Variants in UBTD2 observed in about 807,000 individuals in gnomAD.
UBTD2 encodes ubiquitin domain-containing protein 2.
Under a neutral mutation model 19.8 loss-of-function variants are expected in UBTD2, and 9 were observed. The ratio of observed to expected loss-of-function variants is 0.46; its 90% CI spans 0.27 to 0.79. UBTD2 has a LOEUF of 0.79. Among genes scored for constraint, UBTD2 ranks in the 30% least tolerant of loss-of-function variants. UBTD2 has a pLI of 0.14. For synonymous variants in UBTD2, 98 were observed against 103.9 expected, an observed-to-expected ratio of 0.94 and a Z score of 0.35; for missense variants, 250 against 300.4, an observed-to-expected ratio of 0.83 and a Z score of 1.24.
At chr5:172,271,835 A>G (rs1231140767) in intron 1 of UBTD2, among the ~76,000 whole-genome samples, 1 of 152,180 alleles carries the variant, frequency 6.6e-6, no homozygotes, top group East Asian at 1.9e-4. Flanking sequence ...ATCTGAACCA[A>G]TGCAAAGAAA....
intron 1 of UBTD2, among the ~76,000 whole-genome samples, chr5:172,265,857 A>G (rs1429504497): frequency 3.9e-5 from 6 of 152,130 alleles, no homozygotes; most frequent in African/African-American, 1.4e-4. Flanking sequence ...AATTTCTAAA[A>G]GCAACTTTTT....
chr5:172,242,335 T>C (rs1772149375), intron 1 of UBTD2: 2 of 966,536 alleles, frequency 2.1e-6, no homozygotes, highest in East Asian at 1.1e-4. Context: ...ATTTATATCA[T>C]CTATTATGAA....
intron 1 of UBTD2, among the ~76,000 whole-genome samples, chr5:172,280,509 CA>C (rs376156166): frequency 1.9e-3 from 182 of 95,010 alleles, no homozygotes; most frequent in African/African-American, 5.9e-3. Flanking sequence ...GACTCCATCT[CA>C]AAAAAAAAAA....
At chr5:172,280,886 G>A (rs979111730) in intron 1 of UBTD2, among the ~76,000 whole-genome samples, 4 of 152,104 alleles carry the variant, frequency 2.6e-5, no homozygotes, top group African/African-American at 7.2e-5. Context: ...AGGTTTTATT[G>A]ATATACACAT....
intron 1 of UBTD2, among the ~76,000 whole-genome samples, chr5:172,255,597 A>G (rs1004562900): frequency 1.5e-4 from 23 of 151,948 alleles, no homozygotes; most frequent in African/African-American, 5.3e-4. Flanking sequence ...CAAGGACGGG[A>G]GCGCATGCAG....
At chr5:172,273,175 T>C (rs1755533774) in intron 1 of UBTD2, among the ~76,000 whole-genome samples, 1 of 152,132 alleles carries the variant, frequency 6.6e-6, no homozygotes, top group African/African-American at 2.4e-5. Context: ...TAAAAATTGC[T>C]ATCATGTCTA....
intron 1 of UBTD2, among the ~76,000 whole-genome samples, chr5:172,279,476 T>G (rs917168684): frequency 1.3e-5 from 2 of 152,188 alleles, no homozygotes; most frequent in African/African-American, 4.8e-5. Flanking sequence ...CTCAAGACAT[T>G]CTGGAATAGA....
intron 1 of UBTD2, among the ~76,000 whole-genome samples, chr5:172,275,098 G>C (rs1043441306): frequency 6.6e-6 from 1 of 152,192 alleles, no homozygotes; most frequent in Non-Finnish European, 1.5e-5. Flanking sequence ...TTGACTCACA[G>C]TTCCGCAGGG....
Position 172,211,797 on chromosome 5 carries a change from G to A in UBTD2, c.*33C>T. ...ACAACAAGAACCATAAAAAGGAGCA[G>A]AGGGATGTGGGAGCTGGCCAACAGG... is the stretch of plus-strand genomic sequence containing the variant. On this transcript the variant is annotated 3_prime_UTR_variant, in exon 3 of 3. Coordinates refer to ENST00000393792, the MANE Select transcript of UBTD2 (RefSeq NM_152277.3). The A allele has an allele frequency of 6.4e-7, 1 of 1,551,988 alleles. No homozygotes were observed. The highest frequency in any genetic ancestry group is 8.7e-7 in the Non-Finnish European group (1 of 1,149,076).
At position 172,234,372 on chromosome 5, in the gene UBTD2, TA is replaced by T; in HGVS notation, c.71-15del. ...GACCTAGAGCAACTGAAAAGAAAAA[TA>T]AAAGACTGAGATCAAACCCAAAATT... On this transcript the variant is annotated splice_polypyrimidine_tract_variant and intron_variant, in intron 1 of 2. Coordinates refer to ENST00000393792, the MANE Select transcript of UBTD2 (RefSeq NM_152277.3). 6.2e-7 allele frequency: 1 copy of T among 1,610,028 alleles called. No homozygotes were observed. Among genetic ancestry groups the T allele is most frequent in the Non-Finnish European group, 8.5e-7 (1 of 1,177,054 alleles).
chr5:172,227,219 G>C (rs1362385051), intron 2 of UBTD2, among the ~76,000 whole-genome samples: 1 of 152,136 alleles, frequency 6.6e-6, no homozygotes, highest in African/African-American at 2.4e-5. Context: ...TTCTGACTCA[G>C]GGACAACCTC....
chr5:172,244,831 C>A (rs1050439071), intron 1 of UBTD2, among the ~76,000 whole-genome samples: 3 of 151,844 alleles, frequency 2.0e-5, no homozygotes, highest in Admixed American at 1.3e-4. Flanking sequence ...CGGGTTCAAG[C>A]GATTCTCATG....
intron 2 of UBTD2, among the ~76,000 whole-genome samples, chr5:172,214,741 AT>A (rs1771511571): frequency 6.6e-6 from 1 of 152,216 alleles, no homozygotes; most frequent in South Asian, 2.1e-4. Flanking sequence ...TTTTTATTTA[AT>A]ATGGAATTTT....
rs547950384 is a variant in UBTD2 at position 172,280,387 on chromosome 5, G to A, written c.70+3209C>T. Reference sequence around the variant, plus strand: ...TAGCTGGGCATGGTGGTGGGCACCCGTAATCCCAGCTACTCTGGAGGCTAA... The same window carrying A: ...TAGCTGGGCATGGTGGTGGGCACCCATAATCCCAGCTACTCTGGAGGCTAA... On this transcript the variant is annotated intron_variant, in intron 1 of 2. Transcript: ENST00000393792. 1.4e-3 allele frequency among the ~76,000 whole-genome samples: 216 copies of A among 151,506 alleles called. 1 individual carries two copies. Among genetic ancestry groups the A allele is most frequent in the African/African-American group, 4.8e-3 (199 of 41,322 alleles).
intron 1 of UBTD2, among the ~76,000 whole-genome samples, chr5:172,241,309 T>C (rs1247673381): frequency 1.3e-5 from 2 of 151,658 alleles, no homozygotes; most frequent in Non-Finnish European, 1.5e-5. Context: ...CTCAGGAGGC[T>C]GAGGCAGGAA....
At chr5:172,217,452 G>A (rs1000044577) in intron 2 of UBTD2, among the ~76,000 whole-genome samples, 10 of 149,964 alleles carry the variant, frequency 6.7e-5, no homozygotes, top group Admixed American at 5.3e-4. Context: ...AAAGAAATAA[G>A]CAAAGGTGAA....
chr5:172,246,690 C>T (rs1039236046), intron 1 of UBTD2, among the ~76,000 whole-genome samples: 13 of 150,286 alleles, frequency 8.7e-5, no homozygotes, highest in South Asian at 6.3e-4. Flanking sequence ...GTGATCTGCC[C>T]GCCTTGGCCT....
intron 1 of UBTD2, among the ~76,000 whole-genome samples, chr5:172,260,078 CCA>C (rs1755235439): frequency 6.6e-6 from 1 of 151,204 alleles, no homozygotes; most frequent in African/African-American, 2.4e-5. Context: ...CGCCGCACCC[CCA>C]CCCCCAACAA....
In UBTD2 at chr5:172,254,632, T is replaced by C. The variant is rs538838146; in HGVS notation, c.71-20274A>G. Reference sequence around the variant, plus strand: ...TTGTTGCATCCATCGTAATCACATCTGTGTATCCTCCACTTCGAGTATCCG... The same window carrying C: ...TTGTTGCATCCATCGTAATCACATCCGTGTATCCTCCACTTCGAGTATCCG... On this transcript the variant is annotated intron_variant, in intron 1 of 2. Coordinates refer to ENST00000393792, the MANE Select transcript of UBTD2 (RefSeq NM_152277.3). 1.1e-5 allele frequency: 7 copies of C among 640,736 alleles called. No homozygotes were observed. In the African/African-American group the frequency reaches 1.3e-4, roughly 12 times the overall value. 39.7% of individuals were successfully genotyped at this position (640,736 alleles called of 1,614,324 possible).
Sources: gnomAD v4.1 joint callset for allele counts (sites outside exome capture counted in the v4.1 genomes callset) on GRCh38, gnomAD v4.1.1 for gene constraint, MANE v1.5 for transcripts, NCBI Gene and HGNC (gene_info 2026-07-23, HGNC 2026-07-21) for gene names.